Variants in ITGA4 observed in about 807,000 individuals in gnomAD.
The protein encoded by ITGA4 is integrin alpha-4.
In ITGA4, 63 loss-of-function variants were observed where a neutral mutation model predicts 133.6. The observed-to-expected ratio is 0.47, with a 90% CI of 0.38 to 0.58. The LOEUF (loss-of-function observed/expected upper bound fraction) is 0.58. ITGA4 is among the 20% of genes least tolerant of loss of function. The probability of loss-of-function intolerance (pLI) is 0.00; values close to 1 mark genes in which losing one functional copy is unlikely to be tolerated. For synonymous variants in ITGA4, 483 were observed against 438.0 expected, an observed-to-expected ratio of 1.10 and a Z score of -1.28; for missense variants, 1,076 against 1,252.7, an observed-to-expected ratio of 0.86 and a Z score of 2.13.
chr2:181,537,180 G>T lies in ITGA4; in HGVS notation c.*1653G>T, dbSNP rs911179925. On this transcript the variant is annotated 3_prime_UTR_variant, in exon 28 of 28. Transcript: ENST00000397033. ...GTCATTCTTTCAGGAGAACATCTAG[G>T]ATCATAGATGAAAAATCAAGCCCCG... is the stretch of plus-strand genomic sequence containing the variant. 2.2e-6 allele frequency: 1 copy of T among 453,630 alleles called. No homozygotes were observed. Among genetic ancestry groups the T allele is most frequent in the Non-Finnish European group, 4.4e-6 (1 of 226,592 alleles). 28.1% of individuals were successfully genotyped at this position (453,630 alleles called of 1,614,324 possible). A position where few individuals can be genotyped will look rare whatever the true frequency, so the allele number is the denominator to read the frequency against.
intron 9 of ITGA4, among the ~76,000 whole-genome samples, chr2:181,484,820 A>T (rs79529398): frequency 6.6e-6 from 1 of 152,204 alleles, no homozygotes; most frequent in African/African-American, 2.4e-5. Flanking sequence ...GCTTTTACAG[A>T]GGAAGTAGTG....
At chr2:181,521,830 G>A (rs1041933833) in intron 17 of ITGA4, among the ~76,000 whole-genome samples, 14 of 152,110 alleles carry the variant, frequency 9.2e-5, no homozygotes, top group African/African-American at 3.1e-4. Flanking sequence ...TTTTAGGCTT[G>A]CAAGAAAGAA....
chr2:181,535,548 G>GAATGGAA lies in ITGA4; in HGVS notation c.*24_*30dup. On this transcript the variant is annotated 3_prime_UTR_variant, in exon 28 of 28. Coordinates refer to ENST00000397033, the MANE Select transcript of ITGA4 (RefSeq NM_000885.6). ...ATTAAGGACTTCTTTCAAATTGAGA[G>GAATGGAA]AATGGAAAACAGACTCAGGTTGTAG... 1 of 1,582,038 alleles carries GAATGGAA rather than the reference G, an allele frequency of 6.3e-7. No homozygotes were observed. The highest frequency in any genetic ancestry group is 8.6e-7 in the Non-Finnish European group (1 of 1,166,070).
chr2:181,466,606 TTTA>T (rs1301930987), intron 2 of ITGA4, among the ~76,000 whole-genome samples: 3 of 152,132 alleles, frequency 2.0e-5, no homozygotes, highest in Non-Finnish European at 4.4e-5. Context: ...CAAAATTATT[TTTA>T]TTGTAGAATT....
intron 23 of ITGA4, among the ~76,000 whole-genome samples, chr2:181,530,017 C>CT (rs900621022): frequency 2.0e-5 from 3 of 152,090 alleles, no homozygotes; most frequent in East Asian, 3.9e-4. Flanking sequence ...GGATTATAGC[C>CT]TTTTTTTAAG....
At position 181,534,303 on chromosome 2, in the gene ITGA4, G is replaced by A; in HGVS notation, c.2816G>A (p.Arg939Lys). ...ACTTCAGCACTCAAGTTTGAAATAA[G>A]AGCAACAGGTTTTCCAGAGCCAAAT... ...DETSALKFEI[R>K]ATGFPEPNPR... Residue 939 changes from arginine (R) to lysine (K), a missense_variant, in exon 26 of 28, where the codon AGA (arginine) becomes AAA (lysine). By Grantham distance (26) the Arg-to-Lys change is conservative. Transcript: ENST00000397033. 6.2e-7 allele frequency: 1 copy of A among 1,610,894 alleles called. No individual in the cohort carries two copies. Among genetic ancestry groups the A allele is most frequent in the Non-Finnish European group, 8.5e-7 (1 of 1,177,340 alleles).
Position 181,529,505 on chromosome 2 carries a change from CATTTA to C in ITGA4, c.2431-31_2431-27del, listed in dbSNP as rs372993577. 1.3e-4 allele frequency: 133 copies of C among 1,020,892 alleles called. 1 individual carries two copies. The highest frequency in any genetic ancestry group is 1.2e-3 in the East Asian group (52 of 41,762). 63.2% of individuals were successfully genotyped at this position (1,020,892 alleles called of 1,614,324 possible). A position where few individuals can be genotyped will look rare whatever the true frequency, so the allele number is the denominator to read the frequency against. ...TATCTGTACTTACATTTATAGAAAA[CATTTA>C]ATTTGTTAAAAAATTTTTCCTTCTT... On this transcript the variant is annotated intron_variant, in intron 22 of 27. Coordinates refer to ENST00000397033, the MANE Select transcript of ITGA4 (RefSeq NM_000885.6).
At chr2:181,468,596 CTG>C (rs2105719148) in intron 2 of ITGA4, among the ~76,000 whole-genome samples, 1 of 152,166 alleles carries the variant, frequency 6.6e-6, no homozygotes, top group South Asian at 2.1e-4. Context: ...GACACTAAAA[CTG>C]GTGATATGAA....
chr2:181,500,494 T>G (rs1686244896), intron 15 of ITGA4, among the ~76,000 whole-genome samples: 1 of 152,166 alleles, frequency 6.6e-6, no homozygotes, highest in Non-Finnish European at 1.5e-5. Flanking sequence ...TCTTCCATCT[T>G]CCTAGAAAAG....
chr2:181,534,811 C>G lies in ITGA4; in HGVS notation c.2884-5C>G, dbSNP rs114615748. The G allele has an allele frequency of 1.9e-6, 3 of 1,575,612 alleles. No homozygotes were observed. Among genetic ancestry groups the G allele is most frequent in the East Asian group, 2.3e-5 (1 of 43,976 alleles). ...TTTGAGTTTTATTTTTCTTAACTCA[C>G]GTAGGTTCTACTGGAAGGACTACAT... On this transcript the variant is annotated splice_region_variant and splice_polypyrimidine_tract_variant and intron_variant, in intron 26 of 27. Transcript: ENST00000397033.
intron 2 of ITGA4, among the ~76,000 whole-genome samples, chr2:181,464,107 G>C (rs1685354941): frequency 6.6e-6 from 1 of 152,030 alleles, no homozygotes; most frequent in South Asian, 2.1e-4. Flanking sequence ...AAGGCTAAGA[G>C]GGTGAAGCCA....
At position 181,475,253 on chromosome 2, in the gene ITGA4, C is replaced by G; in HGVS notation, c.521C>G (p.Thr174Arg). 3.1e-6 allele frequency: 5 copies of G among 1,612,746 alleles called. No homozygotes were observed. The highest frequency in any genetic ancestry group is 4.2e-6 in the Non-Finnish European group (5 of 1,178,772). ...TATGGAGTGCCCCCTGATTTACGAA[C>G]AGAACTGAGTAAAAGAATAGCTCCG... ...GCYGVPPDLR[T>R]ELSKRIAPCY... Residue 174 changes from threonine (T) to arginine (R), a missense_variant, in exon 4 of 28, where the codon ACA (threonine) becomes AGA (arginine). Coordinates refer to ENST00000397033, the MANE Select transcript of ITGA4 (RefSeq NM_000885.6).
At chr2:181,515,235 C>T (rs184848282) in intron 17 of ITGA4, among the ~76,000 whole-genome samples, 7 of 152,170 alleles carry the variant, frequency 4.6e-5, no homozygotes, top group Admixed American at 3.9e-4. Flanking sequence ...TTACTAGTGA[C>T]CTTTTCAGAG....
chr2:181,469,617 G>A (rs62191403), intron 2 of ITGA4, among the ~76,000 whole-genome samples: 2,154 of 152,244 alleles, frequency 0.014, 27 homozygotes, highest in Middle Eastern at 0.037. Context: ...ACATTCACAT[G>A]TATGTTTATT....
Position 181,535,713 on chromosome 2 carries a change from CA to C in ITGA4, c.*189del, listed in dbSNP as rs1687056284. The C allele has an allele frequency of 1.6e-6, 1 of 610,174 alleles. No homozygotes were observed. Among genetic ancestry groups the C allele is most frequent in the Non-Finnish European group, 2.6e-6 (1 of 387,064 alleles). The allele number at this position is 610,174 out of a possible 1,614,324, so 37.8% of individuals were successfully genotyped here. A position where few individuals can be genotyped will look rare whatever the true frequency, so the allele number is the denominator to read the frequency against. On this transcript the variant is annotated 3_prime_UTR_variant, in exon 28 of 28. Coordinates refer to ENST00000397033, the MANE Select transcript of ITGA4 (RefSeq NM_000885.6). ...ATTACTCTTTGAGATAGAAGAACTG[CA>C]AAGGTAATAATACAGCCAAAGATAA...
At chr2:181,473,303 C>T (rs953140452) in intron 2 of ITGA4, among the ~76,000 whole-genome samples, 3 of 152,164 alleles carry the variant, frequency 2.0e-5, no homozygotes, top group South Asian at 2.1e-4. Context: ...AACCCTATTA[C>T]GAACTGCACA....
At chr2:181,487,931 C>T (rs970155484) in intron 10 of ITGA4, among the ~76,000 whole-genome samples, 1 of 152,072 alleles carries the variant, frequency 6.6e-6, no homozygotes, top group Admixed American at 6.6e-5. Flanking sequence ...ATGAGACAAC[C>T]CAATTCTTTC....
At chr2:181,464,782 G>C (rs1477651253) in intron 2 of ITGA4, among the ~76,000 whole-genome samples, 1 of 152,042 alleles carries the variant, frequency 6.6e-6, no homozygotes, top group Non-Finnish European at 1.5e-5. Flanking sequence ...AGTAACACCT[G>C]CTCCTGAAAT....
chr2:181,480,295 A>ATCTGTGCCTTACAAATACTAGT, intron 6 of ITGA4, 29 bp downstream of exon 6: 2 of 1,265,596 alleles, frequency 1.6e-6, no homozygotes, highest in Non-Finnish European at 2.2e-6. Flanking sequence ...AACTTAAATG[A>ATCTGTGCCTTACAAATACTAGT]TCTGTGCCTT....
Sources: gnomAD v4.1 joint callset for allele counts (sites outside exome capture counted in the v4.1 genomes callset) on GRCh38, gnomAD v4.1.1 for gene constraint, MANE v1.5 for transcripts, NCBI Gene and HGNC (gene_info 2026-07-23, HGNC 2026-07-21) for gene names.